Variants in CHST15 observed in about 807,000 individuals in gnomAD.
The protein encoded by CHST15 is carbohydrate sulfotransferase 15.
CHST15 carries 30 observed loss-of-function variants against 53.6 expected under a neutral mutation model. The observed-to-expected ratio is 0.56, with a 90% CI of 0.42 to 0.76. CHST15 has a LOEUF of 0.76. Among genes scored for constraint, CHST15 ranks in the 30% least tolerant of loss-of-function variants. The probability of loss-of-function intolerance (pLI) is 0.00; values close to 1 mark genes in which losing one functional copy is unlikely to be tolerated. For missense variants in CHST15, 627 were observed against 740.5 expected (o/e 0.85, Z 1.78); for synonymous variants, 296 against 289.8 (o/e 1.02, Z -0.22).
chr10:124,043,786 A>T (rs535809203), intron 3 of CHST15, among the ~76,000 whole-genome samples: 1 of 152,382 alleles, frequency 6.6e-6, no homozygotes, highest in Admixed American at 6.5e-5. Context: ...CATAAGGCAG[A>T]TGGGGCAGGT....
chr10:124,009,163 C>G lies in CHST15; in HGVS notation c.*986G>C. On this transcript the variant is annotated 3_prime_UTR_variant, in exon 8 of 8. Transcript: ENST00000435907. ...GCCGGCCAGAACTAAAAATTAAAATCCTCTGTTTCTCTGATGATCTTGTAA... is the reference window on the plus strand; with the variant it reads ...GCCGGCCAGAACTAAAAATTAAAATGCTCTGTTTCTCTGATGATCTTGTAA... 1 of 1,196,184 alleles carries G rather than the reference C, an allele frequency of 8.4e-7. No homozygotes were observed. The highest frequency in any genetic ancestry group is 3.0e-5 in the Admixed American group (1 of 33,222). 74.1% of individuals were successfully genotyped at this position (1,196,184 alleles called of 1,614,324 possible).
chr10:124,046,140 C>T lies in CHST15; in HGVS notation c.73G>A (p.Gly25Arg). The change falls in exon 2 of 8, where the codon GGG (glycine) becomes AGG (arginine). Residue 25 changes from glycine to arginine, a missense_variant. Physicochemically the swap from Gly to Arg is moderately radical, Grantham distance 125. Around this residue, in one of 3 missense-constraint regions of CHST15, gnomAD observed 187 missense variants for 251.8 expected, o/e 0.74. Coordinates refer to ENST00000435907, the MANE Select transcript of CHST15 (RefSeq NM_001270764.2). Reference sequence around the variant, plus strand: ...GCCTGGTGACCGTGATGGGGGCCCCCTTGGCAGTTGACCTGCTGCTTGTGT... The same window carrying T: ...GCCTGGTGACCGTGATGGGGGCCCCTTTGGCAGTTGACCTGCTGCTTGTGT... The part of the protein sequence containing the change: ...GAHKQQVNCQ[G>R]GPHHGHQACP... 6.2e-7 allele frequency: 1 copy of T among 1,614,138 alleles called. No individual in the cohort carries two copies. The highest frequency in any genetic ancestry group is 1.3e-5 in the African/African-American group (1 of 75,056).
chr10:124,008,116 T>A lies in CHST15; in HGVS notation c.*2033A>T. ...TTGGAAATAATACCTTCAGTAATAC[T>A]TCTGTAAGAAGCAGAATTACACCAC... On this transcript the variant is annotated 3_prime_UTR_variant, in exon 8 of 8. Coordinates refer to ENST00000435907, the MANE Select transcript of CHST15 (RefSeq NM_001270764.2). 1 of 1,231,714 alleles carries A rather than the reference T, an allele frequency of 8.1e-7. No individual in the cohort carries two copies. Among genetic ancestry groups the A allele is most frequent in the Non-Finnish European group, 1.0e-6 (1 of 987,916 alleles). 76.3% of individuals were successfully genotyped at this position (1,231,714 alleles called of 1,614,324 possible).
chr10:124,076,822 G>A (rs1407988485), intron 1 of CHST15, among the ~76,000 whole-genome samples: 1 of 151,042 alleles, frequency 6.6e-6, no homozygotes, highest in Non-Finnish European at 1.5e-5. Context: ...CCATTCTCCT[G>A]CCTCAGCCTC....
chr10:124,072,127 C>A (rs1948935328), intron 1 of CHST15, among the ~76,000 whole-genome samples: 1 of 152,240 alleles, frequency 6.6e-6, no homozygotes, highest in African/African-American at 2.4e-5. Flanking sequence ...CCCCGATTTA[C>A]TGAATCTACT....
At chr10:124,011,269 A>G (rs986505306) in intron 7 of CHST15, among the ~76,000 whole-genome samples, 1 of 152,236 alleles carries the variant, frequency 6.6e-6, no homozygotes, top group African/African-American at 2.4e-5. Flanking sequence ...AGCATGTCCC[A>G]GCATCCTAGG....
rs1947973649 is a variant in CHST15 at position 124,045,722 on chromosome 10, T to C, written c.491A>G (p.Glu164Gly). The stretch of plus-strand genomic sequence containing the variant: ...GTCTGGGAGCTGTCTGGTCGTGAAC[T>C]CAATCCTAGTTGTGATGCTGTTGAT... ...LIINSITTRI[E>G]FTTRQLPDLE... Residue 164 changes from glutamate to glycine, a missense_variant, in exon 2 of 8, where the codon GAG (glutamate) becomes GGG (glycine). Coordinates refer to ENST00000435907, the MANE Select transcript of CHST15 (RefSeq NM_001270764.2). The C allele has an allele frequency of 6.2e-7, 1 of 1,613,792 alleles. No homozygotes were observed. Among genetic ancestry groups the C allele is most frequent in the African/African-American group, 1.3e-5 (1 of 74,936 alleles).
At chr10:124,051,129 G>C (rs1348263581) in intron 1 of CHST15, among the ~76,000 whole-genome samples, 2 of 152,042 alleles carry the variant, frequency 1.3e-5, no homozygotes, top group African/African-American at 4.8e-5. Context: ...TTTTAATAGA[G>C]ACGGAGTTTC....
Position 124,010,245 on chromosome 10 carries a change from G to A in CHST15, c.1590C>T (p.Pro530=). 6.2e-7 allele frequency: 1 copy of A among 1,614,114 alleles called. No individual in the cohort carries two copies. The highest frequency in any genetic ancestry group is 8.5e-7 in the Non-Finnish European group (1 of 1,180,008). Reference sequence around the variant, plus strand: ...AATCCCGCAGAATCTTCTGTGTGATGGGCCACATGGGCCCCAGGTTCCGGT... The same window carrying A: ...AATCCCGCAGAATCTTCTGTGTGATAGGCCACATGGGCCCCAGGTTCCGGT... ...PEDRNLGPMW[P]ITQKILRDFY... Residue 530 remains proline, a synonymous_variant, in exon 8 of 8, where the codon CCC becomes CCT. Transcript: ENST00000435907.
intron 1 of CHST15, among the ~76,000 whole-genome samples, chr10:124,089,147 A>C (rs1949527945): frequency 6.6e-6 from 1 of 152,142 alleles, no homozygotes. Context: ...ACTTAATCTC[A>C]TACCTGAGCA....
At chr10:124,089,866 TC>T (rs1243321291) in intron 1 of CHST15, among the ~76,000 whole-genome samples, 1 of 152,054 alleles carries the variant, frequency 6.6e-6, no homozygotes, top group Non-Finnish European at 1.5e-5. Context: ...CGCCAAATCA[TC>T]CCAGAGGCTC....
intron 1 of CHST15, among the ~76,000 whole-genome samples, chr10:124,068,403 C>A (rs745369009): frequency 6.6e-6 from 1 of 152,002 alleles, no homozygotes; most frequent in Non-Finnish European, 1.5e-5. Flanking sequence ...AAGGACAGGG[C>A]ACCTGGGAAG....
At chr10:124,079,134 T>C (rs777943190) in intron 1 of CHST15, among the ~76,000 whole-genome samples, 6 of 152,006 alleles carry the variant, frequency 3.9e-5, no homozygotes, top group Non-Finnish European at 7.4e-5. Flanking sequence ...GAAAAAAAAA[T>C]TTCTTTTATC....
At chr10:124,011,131 A>T (rs765442728) in intron 7 of CHST15, 26 of 965,808 alleles carry the variant, frequency 2.7e-5, no homozygotes, top group Non-Finnish European at 3.2e-5. Context: ...GAAACAGAAC[A>T]GCAAGGGCTG....
intron 4 of CHST15, among the ~76,000 whole-genome samples, chr10:124,040,973 A>G (rs1373352727): frequency 1.3e-5 from 2 of 152,186 alleles, no homozygotes; most frequent in Non-Finnish European, 2.9e-5. Context: ...TCATAAGAAC[A>G]TGTGATTTTC....
At chr10:124,025,107 G>T (rs765194579) in intron 5 of CHST15, among the ~76,000 whole-genome samples, 3 of 152,194 alleles carry the variant, frequency 2.0e-5, no homozygotes, top group Non-Finnish European at 4.4e-5. Context: ...ATTTCTTGCA[G>T]ATATTTGGCT....
intron 1 of CHST15, among the ~76,000 whole-genome samples, chr10:124,050,735 C>G (rs1948160562): frequency 6.6e-6 from 1 of 152,094 alleles, no homozygotes; most frequent in African/African-American, 2.4e-5. Flanking sequence ...AAGCCAGTCA[C>G]GTGGAGACCA....
At chr10:124,065,374 C>A (rs893583749) in intron 1 of CHST15, among the ~76,000 whole-genome samples, 1 of 152,142 alleles carries the variant, frequency 6.6e-6, no homozygotes, top group Non-Finnish European at 1.5e-5. Context: ...CAGAGCAAGA[C>A]CGTATCTCAA....
At chr10:124,042,516 C>T (rs938911517) in intron 3 of CHST15, 69 bp from the exon 4 acceptor site, 2 of 1,558,126 alleles carry the variant, frequency 1.3e-6, no homozygotes, top group Non-Finnish European at 1.8e-6. Context: ...GCCTCCCAGA[C>T]AGCAACCAAA....
Sources: gnomAD v4.1 joint callset for allele counts (sites outside exome capture counted in the v4.1 genomes callset) on GRCh38, gnomAD v4.1.1 for gene constraint, gnomAD v4.1.1 regional missense constraint, MANE v1.5 for transcripts, NCBI Gene and HGNC (gene_info 2026-07-23, HGNC 2026-07-21) for gene names.